Variants in KCNN2 observed in about 807,000 individuals in gnomAD.
KCNN2 encodes potassium calcium-activated channel subfamily N member 2, also known as small conductance calcium-activated potassium channel protein 2.
A neutral mutation model predicts 55.5 loss-of-function variants in KCNN2; 24 were observed. The ratio of observed to expected loss-of-function variants is 0.43; its 90% CI spans 0.31 to 0.61. The LOEUF (loss-of-function observed/expected upper bound fraction) is 0.61, where lower values mean the gene tolerates loss of function less well. KCNN2 is among the 20% of genes least tolerant of loss of function. The pLI is 0.08. For synonymous variants in KCNN2, 431 were observed against 336.1 expected (o/e 1.28, Z -3.09); for missense variants, 754 against 853.6 (o/e 0.88, Z 1.45).
At chr5:114,409,266 G>A (rs777472065) in intron 3 of KCNN2, among the ~76,000 whole-genome samples, 1 of 152,022 alleles carries the variant, frequency 6.6e-6, no homozygotes, top group Non-Finnish European at 1.5e-5. Context: ...TTCCACATTT[G>A]GTTTTTATTA....
chr5:114,451,905 A>G (rs1438300406), intron 3 of KCNN2, among the ~76,000 whole-genome samples: 1 of 152,020 alleles, frequency 6.6e-6, no homozygotes, highest in Non-Finnish European at 1.5e-5. Context: ...TCAAAAAAAA[A>G]AAAAAAAGAA....
At chr5:114,437,079 A>G (rs1360135709) in intron 3 of KCNN2, among the ~76,000 whole-genome samples, 1 of 151,918 alleles carries the variant, frequency 6.6e-6, no homozygotes, top group Non-Finnish European at 1.5e-5. Flanking sequence ...GCGTGCATGC[A>G]TGCATGTGTT....
chr5:114,253,850 A>G (rs1180370092), intron 2 of KCNN2: 4 of 152,156 alleles, frequency 2.6e-5, no homozygotes, highest in African/African-American at 7.2e-5. Flanking sequence ...AAATAGTTTC[A>G]TGGTTGTATT....
chr5:114,374,367 C>T (rs1034462139), intron 2 of KCNN2, among the ~76,000 whole-genome samples: 1 of 152,138 alleles, frequency 6.6e-6, no homozygotes, highest in Non-Finnish European at 1.5e-5. Flanking sequence ...ATGTAAATGA[C>T]TGTAGTTGGC....
At chr5:114,388,134 G>A (rs13176052) in intron 2 of KCNN2, among the ~76,000 whole-genome samples, 45,642 of 152,020 alleles carry the variant, frequency 0.3, 7,144 homozygotes, top group Non-Finnish European at 0.35. Flanking sequence ...TCAACATAAT[G>A]TTTTGGATGT....
Position 114,398,501 on chromosome 5 carries a change from G to T in KCNN2, c.1219-5937G>T, listed in dbSNP as rs530034972. Reference sequence around the variant, plus strand: ...GTATTGTTGTTTTTTTTTTTTTGTAGTTGTTGTTTAGGATTGCTTTGGCTA... The same window carrying T: ...GTATTGTTGTTTTTTTTTTTTTGTATTTGTTGTTTAGGATTGCTTTGGCTA... On this transcript the variant is annotated intron_variant, in intron 2 of 7. Coordinates refer to ENST00000673685, the MANE Select transcript of KCNN2 (RefSeq NM_021614.4). Among the ~76,000 whole-genome samples, 140 of 149,452 alleles carry T rather than the reference G, an allele frequency of 9.4e-4. 1 individual carries two copies. Among genetic ancestry groups the T allele is most frequent in the Non-Finnish European group, 1.8e-3 (118 of 67,408 alleles).
chr5:114,158,509 G>C (rs1163610489), intron 1 of KCNN2, among the ~76,000 whole-genome samples: 4 of 151,684 alleles, frequency 2.6e-5, no homozygotes, highest in Non-Finnish European at 4.4e-5. Context: ...TCCATATGAA[G>C]TTTAAAGTAG....
At chr5:114,129,627 C>G (rs1012545969) in intron 1 of KCNN2, among the ~76,000 whole-genome samples, 1 of 152,152 alleles carries the variant, frequency 6.6e-6, no homozygotes, top group African/African-American at 2.4e-5. Flanking sequence ...TCTGGTGACC[C>G]AGTCCTCCGG....
chr5:114,224,027 A>T (rs1490558362), intron 2 of KCNN2, among the ~76,000 whole-genome samples: 1 of 152,190 alleles, frequency 6.6e-6, no homozygotes, highest in Non-Finnish European at 1.5e-5. Context: ...AGAACAGGAA[A>T]CAAAACAGGA....
At chr5:114,081,360 G>A (rs1483059722) in intron 1 of KCNN2, among the ~76,000 whole-genome samples, 1 of 152,072 alleles carries the variant, frequency 6.6e-6, no homozygotes, top group Non-Finnish European at 1.5e-5. Flanking sequence ...AAAAAAATGG[G>A]AAGACTCATA....
intron 5 of KCNN2, among the ~76,000 whole-genome samples, chr5:114,483,938 A>T (rs1479570547): frequency 6.6e-6 from 1 of 152,176 alleles, no homozygotes; most frequent in African/African-American, 2.4e-5. Flanking sequence ...GTAGAGATTC[A>T]GTACGTAGGT....
intron 2 of KCNN2, among the ~76,000 whole-genome samples, chr5:114,374,545 G>C (rs1360894767): frequency 6.6e-6 from 1 of 152,160 alleles, no homozygotes; most frequent in Admixed American, 6.5e-5. Flanking sequence ...GAATTTCTGT[G>C]TGTAAATATG....
chr5:114,469,009 G>A (rs1761580993), intron 4 of KCNN2, among the ~76,000 whole-genome samples: 1 of 152,132 alleles, frequency 6.6e-6, no homozygotes. Flanking sequence ...ACATCCAAGG[G>A]CTCAACATGG....
chr5:114,117,709 G>A (rs1440837152), intron 1 of KCNN2, among the ~76,000 whole-genome samples: 1 of 152,128 alleles, frequency 6.6e-6, no homozygotes, highest in Non-Finnish European at 1.5e-5. Flanking sequence ...AGCTTTCAGT[G>A]GGAAGAACTG....
chr5:114,119,900 G>C (rs1201127787), intron 1 of KCNN2, among the ~76,000 whole-genome samples: 2 of 152,226 alleles, frequency 1.3e-5, no homozygotes, highest in African/African-American at 2.4e-5. Flanking sequence ...CATAGGTTTT[G>C]AGGACAATTG....
chr5:114,300,213 A>G (rs1412285918), intron 2 of KCNN2, among the ~76,000 whole-genome samples: 2 of 152,004 alleles, frequency 1.3e-5, no homozygotes, highest in African/African-American at 2.4e-5. Flanking sequence ...CCAAATTCTC[A>G]CCTCTTTCAT....
chr5:114,392,807 T>G (rs1029388343), intron 2 of KCNN2, among the ~76,000 whole-genome samples: 57 of 67,564 alleles, frequency 8.4e-4, no homozygotes, highest in South Asian at 3.2e-3. Context: ...TTTTGTGGGG[T>G]TTTTTTTTTT....
In KCNN2 at chr5:114,377,067, G is replaced by A. The variant is rs140701280; in HGVS notation, c.1218+13066G>A. Reference sequence around the variant, plus strand: ...CGCCCTCTAGCCTGGGCAGCAGAGTGAGCCCGTCTCTTAAAAAAATAAAAT... The same window carrying A: ...CGCCCTCTAGCCTGGGCAGCAGAGTAAGCCCGTCTCTTAAAAAAATAAAAT... On this transcript the variant is annotated intron_variant, in intron 2 of 7. Transcript: ENST00000673685. 6.2e-3 allele frequency among the ~76,000 whole-genome samples: 950 copies of A among 152,240 alleles called. 8 individuals carry two copies. The highest frequency in any genetic ancestry group is 0.022 in the African/African-American group (914 of 41,546).
intron 2 of KCNN2, among the ~76,000 whole-genome samples, chr5:114,313,599 G>A (rs1011154621): frequency 6.6e-6 from 1 of 152,154 alleles, no homozygotes; most frequent in Non-Finnish European, 1.5e-5. Flanking sequence ...TCAGGAAGGT[G>A]ACCCTGAGAT....
Sources: allele counts gnomAD v4.1 joint callset (sites outside exome capture counted in the v4.1 genomes callset), GRCh38; gene constraint gnomAD v4.1.1; transcripts MANE v1.5; gene names NCBI Gene and HGNC (gene_info 2026-07-23, HGNC 2026-07-21).